The following FSHR variants were observed in gnomAD, a reference collection of about 807,000 sequenced individuals.
FSHR encodes follicle stimulating hormone receptor.
In FSHR, 46 loss-of-function variants were observed where a neutral mutation model predicts 52.1. The observed-to-expected ratio is 0.88, with a 90% CI of 0.70 to 1.13. The LOEUF (loss-of-function observed/expected upper bound fraction) is 1.13, where lower values mean the gene tolerates loss of function less well. Among genes scored for constraint, FSHR ranks in the 50% most tolerant of loss-of-function variants. The pLI, the probability that FSHR is intolerant of heterozygous loss-of-function variation, is 0.00. For synonymous variants in FSHR, 399 were observed against 309.6 expected, an observed-to-expected ratio of 1.29 and a Z score of -3.03; for missense variants, 964 against 834.6, an observed-to-expected ratio of 1.16 and a Z score of -1.91.
intron 2 of FSHR, among the ~76,000 whole-genome samples, chr2:49,039,830 AGTT>A: frequency 6.6e-6 from 1 of 152,238 alleles, no homozygotes; most frequent in Non-Finnish European, 1.5e-5. Flanking sequence ...GTAGAGAAAA[AGTT>A]GTGGAAAGCT....
intron 1 of FSHR, among the ~76,000 whole-genome samples, chr2:49,087,709 G>T (rs1572726763): frequency 6.6e-6 from 1 of 152,294 alleles, no homozygotes; most frequent in East Asian, 1.9e-4. Context: ...ATGGATGGAT[G>T]GAGACAGAGG....
At chr2:49,037,494 A>G (rs1186123120) in intron 2 of FSHR, among the ~76,000 whole-genome samples, 1 of 152,228 alleles carries the variant, frequency 6.6e-6, no homozygotes, top group Non-Finnish European at 1.5e-5. Context: ...GAGGATTTTT[A>G]AGAAGCTGCA....
chr2:49,130,318 G>A (rs1038037249), intron 1 of FSHR, among the ~76,000 whole-genome samples: 6 of 152,130 alleles, frequency 3.9e-5, no homozygotes, highest in Admixed American at 1.3e-4. Flanking sequence ...TCTCTGCTCT[G>A]CTCCCATTTT....
chr2:49,005,015 A>T (rs1042878720), intron 4 of FSHR, among the ~76,000 whole-genome samples: 3 of 152,006 alleles, frequency 2.0e-5, no homozygotes, highest in African/African-American at 7.2e-5. Context: ...ATCACTACCA[A>T]CTCTTGAGTT....
At chr2:49,053,943 G>A (rs542169477) in intron 2 of FSHR, among the ~76,000 whole-genome samples, 1 of 152,272 alleles carries the variant, frequency 6.6e-6, no homozygotes, top group South Asian at 2.1e-4. Flanking sequence ...CCAGATTAGG[G>A]AGATTAGTAT....
intron 8 of FSHR, 122 bp downstream of exon 8, chr2:48,982,790 C>T (rs1019703007): frequency 2.2e-5 from 19 of 849,780 alleles, no homozygotes; most frequent in Admixed American, 1.3e-4. Context: ...GCAGATGACA[C>T]GAATAAAAAT....
At chr2:49,029,666 A>C (rs924054224) in intron 2 of FSHR, among the ~76,000 whole-genome samples, 3 of 152,208 alleles carry the variant, frequency 2.0e-5, no homozygotes, top group Admixed American at 1.3e-4. Flanking sequence ...CTAGGATAAA[A>C]GCACATAGTG....
chr2:49,140,227 G>T (rs770973484), intron 1 of FSHR, among the ~76,000 whole-genome samples: 1 of 152,088 alleles, frequency 6.6e-6, no homozygotes, highest in African/African-American at 2.4e-5. Flanking sequence ...TGAATGGCTT[G>T]GTCATCCCCT....
intron 1 of FSHR, among the ~76,000 whole-genome samples, chr2:49,069,285 T>C (rs1233299885): frequency 6.6e-6 from 1 of 152,156 alleles, no homozygotes. Context: ...TCTGGCTTAA[T>C]GTTTCCACAT....
chr2:49,134,025 A>G (rs1672396106), intron 1 of FSHR, among the ~76,000 whole-genome samples: 1 of 152,234 alleles, frequency 6.6e-6, no homozygotes, highest in South Asian at 2.1e-4. Context: ...CTTCATGACT[A>G]AAACACCAAA....
In FSHR at chr2:48,963,198, G is replaced by T. The variant is rs1559068261; in HGVS notation, c.1623C>A (p.Ala541=). The part of the protein sequence containing the change: ...VMSLLVLNVL[A]FVVICGCYIH... ...TATAGCAGCCACAGATGACCACAAA[G>T]GCCAGGACATTGAGCACAAGGAGGG... The change falls in exon 10 of 10, where the codon GCC becomes GCA. Residue 541 remains alanine, a synonymous_variant. Transcript: ENST00000406846. 6.2e-7 allele frequency: 1 copy of T among 1,614,170 alleles called. No homozygotes were observed. The highest frequency in any genetic ancestry group is 1.1e-5 in the South Asian group (1 of 91,084).
At chr2:49,118,114 G>A (rs1572767139) in intron 1 of FSHR, among the ~76,000 whole-genome samples, 1 of 152,068 alleles carries the variant, frequency 6.6e-6, no homozygotes, top group African/African-American at 2.4e-5. Flanking sequence ...ATGGATGGTT[G>A]GGGGGAAAGA....
At chr2:49,135,160 A>G (rs1672442550) in intron 1 of FSHR, among the ~76,000 whole-genome samples, 1 of 152,200 alleles carries the variant, frequency 6.6e-6, no homozygotes, top group African/African-American at 2.4e-5. Flanking sequence ...AATAGGAGAT[A>G]CACATTCTTC....
intron 5 of FSHR, among the ~76,000 whole-genome samples, chr2:48,989,338 AG>A (rs1336538923): frequency 7.1e-6 from 1 of 141,646 alleles, no homozygotes; most frequent in African/African-American, 2.7e-5. Context: ...GCTGGAGTGC[AG>A]TGGTGCCATC....
At chr2:49,068,197 C>T (rs370933194) in intron 2 of FSHR, 22 bp downstream of exon 2, 8 of 1,595,560 alleles carry the variant, frequency 5.0e-6, no homozygotes, top group Non-Finnish European at 6.9e-6. Flanking sequence ...GGCATTCACT[C>T]ACAGCAGTGC....
chr2:49,076,846 T>A (rs1173210709), intron 1 of FSHR, among the ~76,000 whole-genome samples: 1 of 152,104 alleles, frequency 6.6e-6, no homozygotes, highest in African/African-American at 2.4e-5. Context: ...AGTGGGACAG[T>A]CAAATCTTTA....
intron 4 of FSHR, among the ~76,000 whole-genome samples, chr2:48,993,322 C>T (rs146333994): frequency 1.0e-3 from 153 of 152,272 alleles, no homozygotes; most frequent in African/African-American, 3.3e-3. Context: ...CTCCACCAAA[C>T]GGCTTCTTCT....
At chr2:49,136,241 A>G (rs539543109) in intron 1 of FSHR, among the ~76,000 whole-genome samples, 2 of 152,260 alleles carry the variant, frequency 1.3e-5, no homozygotes, top group African/African-American at 4.8e-5. Context: ...ATGCACACCA[A>G]TAAGTTAGAT....
At chr2:49,124,946 C>A (rs1671947279) in intron 1 of FSHR, among the ~76,000 whole-genome samples, 1 of 152,214 alleles carries the variant, frequency 6.6e-6, no homozygotes, top group Non-Finnish European at 1.5e-5. Flanking sequence ...TTACACTAAT[C>A]CCTGTCCACT....
Sources: allele counts gnomAD v4.1 joint callset (sites outside exome capture counted in the v4.1 genomes callset), GRCh38; gene constraint gnomAD v4.1.1; transcripts MANE v1.5; gene names NCBI Gene and HGNC (gene_info 2026-07-23, HGNC 2026-07-21).